The following SLC35F4 variants were observed in gnomAD, a reference collection of about 807,000 sequenced individuals.
SLC35F4 encodes chromosome 14 open reading frame 36.
Under a neutral mutation model 44.2 loss-of-function variants are expected in SLC35F4, and 24 were observed. That is an observed-to-expected ratio of 0.54 (90% CI 0.39 to 0.76). SLC35F4 has a LOEUF of 0.76. Ranked by LOEUF, SLC35F4 falls within the 30% of genes least tolerant of loss-of-function variation. SLC35F4 has a pLI of 0.00. For synonymous variants in SLC35F4, 238 were observed against 223.6 expected, an observed-to-expected ratio of 1.06 and a Z score of -0.57; for missense variants, 562 against 586.1, an observed-to-expected ratio of 0.96 and a Z score of 0.42.
At chr14:57,930,258 C>T (rs902073987) in intron 1 of SLC35F4, among the ~76,000 whole-genome samples, 1 of 152,198 alleles carries the variant, frequency 6.6e-6, no homozygotes, top group Non-Finnish European at 1.5e-5. Context: ...GCATCAGTTT[C>T]ATACAGATTA....
At chr14:57,708,409 C>T (rs912450699) in intron 1 of SLC35F4, among the ~76,000 whole-genome samples, 36 of 152,188 alleles carry the variant, frequency 2.4e-4, no homozygotes, top group African/African-American at 7.2e-4. Context: ...CCCACACAGC[C>T]GGCTCTGTGT....
chr14:57,836,285 A>T (rs960080928), intron 1 of SLC35F4, among the ~76,000 whole-genome samples: 1 of 151,974 alleles, frequency 6.6e-6, no homozygotes, highest in Non-Finnish European at 1.5e-5. Context: ...TTTATTTTTT[A>T]TTTTATTGAT....
chr14:57,844,499 G>A (rs886080198), intron 1 of SLC35F4, among the ~76,000 whole-genome samples: 1 of 152,178 alleles, frequency 6.6e-6, no homozygotes, highest in African/African-American at 2.4e-5. Flanking sequence ...AGCACTGACA[G>A]TAAGACTGAT....
intron 1 of SLC35F4, among the ~76,000 whole-genome samples, chr14:57,980,473 C>G (rs1881345378): frequency 6.6e-6 from 1 of 152,102 alleles, no homozygotes; most frequent in Non-Finnish European, 1.5e-5. Context: ...ATCCTTCCAG[C>G]TTCTCTGCCA....
At chr14:57,601,536 C>A (rs2070824748) in intron 1 of SLC35F4, among the ~76,000 whole-genome samples, 1 of 152,004 alleles carries the variant, frequency 6.6e-6, no homozygotes, top group South Asian at 2.1e-4. Context: ...ATATTTAGCT[C>A]CCACTTATAA....
chr14:57,871,734 T>C (rs1226566655), intron 1 of SLC35F4, among the ~76,000 whole-genome samples: 4 of 152,168 alleles, frequency 2.6e-5, no homozygotes, highest in Non-Finnish European at 5.9e-5. Context: ...CTAATTCTGG[T>C]TGTGAACAAA....
chr14:57,634,035 A>G (rs1473082708), intron 1 of SLC35F4, among the ~76,000 whole-genome samples: 1 of 152,090 alleles, frequency 6.6e-6, no homozygotes, highest in Non-Finnish European at 1.5e-5. Context: ...CTTCAAGCAG[A>G]ATGATATGCT....
At chr14:57,669,770 A>G (rs113597627) in intron 1 of SLC35F4, among the ~76,000 whole-genome samples, 58 of 152,182 alleles carry the variant, frequency 3.8e-4, no homozygotes, top group African/African-American at 1.2e-3. Context: ...AATGTTCACC[A>G]GGGATATTGG....
At chr14:57,739,495 GA>G (rs2076551132) in intron 1 of SLC35F4, among the ~76,000 whole-genome samples, 1 of 152,190 alleles carries the variant, frequency 6.6e-6, no homozygotes, top group Non-Finnish European at 1.5e-5. Context: ...CCACAAGCAA[GA>G]AGAAAAGGTA....
At position 57,955,182 on chromosome 14, in the gene SLC35F4, T is replaced by C. The variant is rs145267476; in HGVS notation, n.282+26731A>G. Among the ~76,000 whole-genome samples the C allele has an allele frequency of 4.1e-3, 625 of 151,936 alleles. 5 individuals carry two copies. The highest frequency in any genetic ancestry group is 0.015 in the African/African-American group (603 of 41,304). On this transcript the variant is annotated intron_variant and non_coding_transcript_variant, in intron 1 of 1. Transcript: ENST00000556568. Reference sequence around the variant, plus strand: ...TAATCCATCACATAAACAGGACCAATGACAAAAATCACATGATCATCTCAG... The same window carrying C: ...TAATCCATCACATAAACAGGACCAACGACAAAAATCACATGATCATCTCAG...
chr14:57,750,173 GATA>G lies in SLC35F4; in HGVS notation c.103+115547_103+115549del, dbSNP rs1423618012. ...TCAGTGTCTGAGTCATTTTACTTAA[GATA>G]ATGATGTCCATTTCCATCCATGTTG... is the stretch of plus-strand genomic sequence containing the variant. On this transcript the variant is annotated intron_variant, in intron 1 of 7. Transcript: ENST00000556826. Among the ~76,000 whole-genome samples, 3 of 152,124 alleles carry G rather than the reference GATA, an allele frequency of 2.0e-5. No individual in the cohort carries two copies. The East Asian group carries it at 5.8e-4, about 29-fold the overall frequency.
Position 57,933,661 on chromosome 14 carries a change from T to A in SLC35F4, n.282+48252A>T, listed in dbSNP as rs146515122. Among the ~76,000 whole-genome samples, 71 of 152,270 alleles carry A rather than the reference T, an allele frequency of 4.7e-4. 1 individual carries two copies. The highest frequency in any genetic ancestry group is 3.0e-3 in the Admixed American group (46 of 15,290). ...GTTTGTGAAAGGTCGCTGGCTGTCA[T>A]CTCCTCATTGAAATCAATGCAGATG... On this transcript the variant is annotated intron_variant and non_coding_transcript_variant, in intron 1 of 1. Transcript: ENST00000556568.
intron 1 of SLC35F4, among the ~76,000 whole-genome samples, chr14:57,934,324 C>T (rs1307776719): frequency 6.7e-6 from 1 of 148,732 alleles, no homozygotes; most frequent in Non-Finnish European, 1.5e-5. Flanking sequence ...GAAACATTAA[C>T]CTCTCTGGGC....
intron 1 of SLC35F4, among the ~76,000 whole-genome samples, chr14:57,618,227 A>G (rs1209139049): frequency 2.6e-5 from 4 of 152,246 alleles, no homozygotes; most frequent in East Asian, 1.9e-4. Context: ...GAATCCAGTC[A>G]TCGTGGCAGC....
At chr14:57,830,685 G>A (rs1375880960) in intron 1 of SLC35F4, among the ~76,000 whole-genome samples, 1 of 152,118 alleles carries the variant, frequency 6.6e-6, no homozygotes, top group East Asian at 1.9e-4. Flanking sequence ...TACCTTCAAT[G>A]GGAAAATGGT....
intron 1 of SLC35F4, among the ~76,000 whole-genome samples, chr14:57,898,464 AG>A (rs1434499099): frequency 6.6e-6 from 1 of 152,194 alleles, no homozygotes; most frequent in Non-Finnish European, 1.5e-5. Flanking sequence ...GTTAACCAGG[AG>A]GGTATGTGGG....
At chr14:57,596,936 T>C in intron 1 of SLC35F4, 1 of 1,330,458 alleles carries the variant, frequency 7.5e-7, no homozygotes. Flanking sequence ...AATACAAACT[T>C]TAAACTTCCA....
At chr14:57,707,975 C>A (rs780534641) in intron 1 of SLC35F4, among the ~76,000 whole-genome samples, 1 of 152,102 alleles carries the variant, frequency 6.6e-6, no homozygotes, top group East Asian at 1.9e-4. Context: ...CCAAAAATAC[C>A]CCCTTATTTC....
chr14:57,793,133 A>G (rs996380500), intron 1 of SLC35F4, among the ~76,000 whole-genome samples: 4 of 152,164 alleles, frequency 2.6e-5, no homozygotes. Flanking sequence ...CCAAATCCTG[A>G]AAATGTGCCC....
Sources: allele counts gnomAD v4.1 joint callset (sites outside exome capture counted in the v4.1 genomes callset), GRCh38; gene constraint gnomAD v4.1.1; transcripts MANE v1.5; gene names NCBI Gene and HGNC (gene_info 2026-07-23, HGNC 2026-07-21).